GRIK1: variants seen among roughly 807,000 people sequenced by gnomAD.
GRIK1 encodes the protein glutamate ionotropic receptor kainate type subunit 1.
Under a neutral mutation model 105.7 loss-of-function variants are expected in GRIK1, and 69 were observed. That is an observed-to-expected ratio of 0.65 (90% confidence interval 0.54 to 0.80). The LOEUF is 0.80. Ranked by LOEUF, GRIK1 falls within the 30% of genes least tolerant of loss-of-function variation. GRIK1 has a pLI of 0.00. For missense variants in GRIK1, 1,109 were observed against 1,167.3 expected (o/e 0.95, Z 0.73); for synonymous variants, 438 against 431.3 (o/e 1.02, Z -0.19).
At chr21:29,553,276 A>T in intron 16 of GRIK1, 5 of 1,037,506 alleles carry the variant, frequency 4.8e-6, no homozygotes, top group Non-Finnish European at 5.8e-6. Context: ...ACTTATTTTT[A>T]ATGCATGAAG....
chr21:29,619,757 G>T (rs944196274), intron 7 of GRIK1, among the ~76,000 whole-genome samples: 12 of 152,152 alleles, frequency 7.9e-5, no homozygotes, highest in African/African-American at 2.9e-4. Flanking sequence ...TTTAATGGAG[G>T]CATGATGGTA....
intron 1 of GRIK1, among the ~76,000 whole-genome samples, chr21:29,696,881 G>C (rs1354372662): frequency 6.6e-6 from 1 of 152,186 alleles, no homozygotes; most frequent in African/African-American, 2.4e-5. Context: ...TTTGAAACCT[G>C]ATCTACCTAC....
chr21:29,784,476 T>A (rs1393477766), intron 1 of GRIK1, among the ~76,000 whole-genome samples: 2 of 152,210 alleles, frequency 1.3e-5, no homozygotes, highest in Non-Finnish European at 2.9e-5. Context: ...ACAGTGGGTG[T>A]TGTTTGGGGT....
chr21:29,561,729 G>A lies in GRIK1; in HGVS notation c.2251C>T (p.Leu751=), dbSNP rs2090485146. 2 of 1,613,898 alleles carry A rather than the reference G, an allele frequency of 1.2e-6. No homozygotes were observed. Among genetic ancestry groups the A allele is most frequent in the Non-Finnish European group, 1.7e-6 (2 of 1,179,792 alleles). ...QRVLTTDYAL[L]MESTSIEYVT... ...TACTCAATGCTGGTGGACTCCATCA[G>A]CAGCGCGTAGTCTGTGGTGAGCACT... Residue 751 remains leucine, a synonymous_variant, in exon 15 of 18, where the codon CTG becomes TTG. Coordinates refer to ENST00000327783, the MANE Select transcript of GRIK1 (RefSeq NM_001330994.2).
chr21:29,873,416 T>C (rs2069087050), intron 1 of GRIK1, among the ~76,000 whole-genome samples: 1 of 152,206 alleles, frequency 6.6e-6, no homozygotes, highest in South Asian at 2.1e-4. Context: ...CTTTGACACT[T>C]AACAGGGGTG....
intron 1 of GRIK1, among the ~76,000 whole-genome samples, chr21:29,848,509 C>T (rs1050738247): frequency 2.6e-5 from 4 of 151,968 alleles, no homozygotes; most frequent in Non-Finnish European, 2.9e-5. Flanking sequence ...TGTCTAAGCT[C>T]GTAACATTGT....
intron 7 of GRIK1, among the ~76,000 whole-genome samples, chr21:29,618,281 C>T (rs1158256216): frequency 6.6e-6 from 1 of 152,168 alleles, no homozygotes; most frequent in Admixed American, 6.5e-5. Context: ...ATTCGGGCTT[C>T]ATGAATGCAA....
intron 1 of GRIK1, among the ~76,000 whole-genome samples, chr21:29,702,220 A>G (rs2063825367): frequency 6.6e-6 from 1 of 152,164 alleles, no homozygotes; most frequent in Non-Finnish European, 1.5e-5. Context: ...GGGTGATGAA[A>G]TTATCTGCAC....
intron 16 of GRIK1, among the ~76,000 whole-genome samples, chr21:29,551,485 C>T (rs956908545): frequency 5.9e-5 from 9 of 152,068 alleles, no homozygotes; most frequent in Admixed American, 3.3e-4. Context: ...AACTACAGGT[C>T]GATGATGGAT....
In GRIK1 at chr21:29,557,959, G is replaced by A. The variant is rs1004970410; in HGVS notation, c.2357-2657C>T. 3.3e-5 allele frequency among the ~76,000 whole-genome samples: 5 copies of A among 152,146 alleles called. No individual in the cohort carries two copies. In the East Asian group the frequency reaches 9.6e-4, roughly 29 times the overall value. On this transcript the variant is annotated intron_variant, in intron 15 of 17. Coordinates refer to ENST00000327783, the MANE Select transcript of GRIK1 (RefSeq NM_001330994.2). ...ACTGATGCTTTCCTTCTGCCTCCAG[G>A]CTGCGCAATACCTAAAACATTTCAG...
At chr21:29,648,685 T>A (rs1213312275) in intron 6 of GRIK1, among the ~76,000 whole-genome samples, 1 of 151,908 alleles carries the variant, frequency 6.6e-6, no homozygotes, top group Non-Finnish European at 1.5e-5. Context: ...AACAAACGAA[T>A]CAAAATATAA....
intron 3 of GRIK1, among the ~76,000 whole-genome samples, chr21:29,680,988 C>T (rs983874149): frequency 1.3e-5 from 2 of 152,056 alleles, no homozygotes; most frequent in African/African-American, 4.8e-5. Flanking sequence ...CAAAAATTAG[C>T]CGGGCGTGGT....
intron 1 of GRIK1, among the ~76,000 whole-genome samples, chr21:29,742,992 C>T (rs1462622464): frequency 6.6e-6 from 1 of 150,592 alleles, no homozygotes; most frequent in East Asian, 1.9e-4. Context: ...AATTATAGAG[C>T]CTTTACAGGA....
chr21:29,701,726 C>T (rs1162768611), intron 1 of GRIK1, among the ~76,000 whole-genome samples: 1 of 152,124 alleles, frequency 6.6e-6, no homozygotes, highest in African/African-American at 2.4e-5. Context: ...GGAGATGTTG[C>T]AATAACACTC....
chr21:29,634,446 C>T (rs958760766), intron 7 of GRIK1, among the ~76,000 whole-genome samples: 4 of 152,174 alleles, frequency 2.6e-5, no homozygotes, highest in African/African-American at 7.2e-5. Context: ...CAATTAGGAA[C>T]TATTTATATA....
chr21:29,886,462 T>A (rs543449368), intron 1 of GRIK1, among the ~76,000 whole-genome samples: 8 of 152,110 alleles, frequency 5.3e-5, no homozygotes, highest in Non-Finnish European at 1.0e-4. Flanking sequence ...CACACTTCTG[T>A]CAGGAAGAAA....
At chr21:29,816,489 C>T (rs920219320) in intron 1 of GRIK1, among the ~76,000 whole-genome samples, 1 of 152,100 alleles carries the variant, frequency 6.6e-6, no homozygotes, top group African/African-American at 2.4e-5. Context: ...ACCTGCACTT[C>T]CTAGTTTATT....
intron 1 of GRIK1, among the ~76,000 whole-genome samples, chr21:29,737,098 A>G (rs986588045): frequency 6.6e-6 from 1 of 152,190 alleles, no homozygotes; most frequent in Non-Finnish European, 1.5e-5. Context: ...TTTACCCACA[A>G]TATGAAAGTC....
chr21:29,899,614 T>C lies in GRIK1; in HGVS notation c.118+39769A>G, dbSNP rs1443027708. The stretch of plus-strand genomic sequence containing the variant: ...TAAACCACTCCCAGAGCTGATAATC[T>C]AGTTCTATTTTTAATCTCTTAGGAC... On this transcript the variant is annotated intron_variant, in intron 1 of 17. Transcript: ENST00000327783. Among the ~76,000 whole-genome samples, 3 of 152,028 alleles carry C rather than the reference T, an allele frequency of 2.0e-5. 1 individual carries two copies. In the East Asian group the frequency reaches 5.8e-4, roughly 29 times the overall value.
Sources: allele counts gnomAD v4.1 joint callset (sites outside exome capture counted in the v4.1 genomes callset), GRCh38; gene constraint gnomAD v4.1.1; transcripts MANE v1.5; gene names NCBI Gene and HGNC (gene_info 2026-07-23, HGNC 2026-07-21).